Variants in ZNF385D observed in about 807,000 individuals in gnomAD.
ZNF385D encodes the protein zinc finger protein 385D, also known as zinc finger protein 659.
Under a neutral mutation model 35.8 loss-of-function variants are expected in ZNF385D, and 15 were observed. The ratio of observed to expected loss-of-function variants is 0.42; its 90% confidence interval spans 0.28 to 0.64. ZNF385D has a LOEUF of 0.64. Among genes scored for constraint, ZNF385D ranks in the 30% least tolerant of loss-of-function variants. ZNF385D has a pLI of 0.23. For synonymous variants in ZNF385D, 212 were observed against 186.8 expected, an observed-to-expected ratio of 1.13 and a Z score of -1.10; for missense variants, 474 against 494.6, an observed-to-expected ratio of 0.96 and a Z score of 0.39.
At chr3:21,794,267 T>C (rs973571058) in intron 3 of ZNF385D, among the ~76,000 whole-genome samples, 2 of 151,924 alleles carry the variant, frequency 1.3e-5, no homozygotes, top group Admixed American at 6.6e-5. Context: ...GTTTTAAACC[T>C]AAGAGCTTAA....
At chr3:22,126,139 C>G (rs1703412455) in intron 3 of ZNF385D, among the ~76,000 whole-genome samples, 1 of 151,888 alleles carries the variant, frequency 6.6e-6, no homozygotes, top group African/African-American at 2.4e-5. Flanking sequence ...TGAATTTTAT[C>G]AAATGCTTTT....
At chr3:21,826,099 T>C (rs1171670326) in intron 3 of ZNF385D, among the ~76,000 whole-genome samples, 1 of 152,094 alleles carries the variant, frequency 6.6e-6, no homozygotes, top group Non-Finnish European at 1.5e-5. Context: ...GCCAAAAACG[T>C]TGGGGACGGC....
At chr3:21,544,439 G>GT (rs1238053264) in intron 3 of ZNF385D, among the ~76,000 whole-genome samples, 2 of 151,874 alleles carry the variant, frequency 1.3e-5, no homozygotes, top group South Asian at 2.1e-4. Flanking sequence ...TGTGTTTTGT[G>GT]TTTTTTTTAG....
chr3:21,615,824 G>C (rs181707241), intron 2 of ZNF385D, among the ~76,000 whole-genome samples: 35 of 151,474 alleles, frequency 2.3e-4, no homozygotes, highest in Non-Finnish European at 4.6e-4. Context: ...GTGTTTACTG[G>C]TTAAAAAAAT....
chr3:21,605,577 A>G (rs2064454698), intron 2 of ZNF385D, among the ~76,000 whole-genome samples: 1 of 152,180 alleles, frequency 6.6e-6, no homozygotes, highest in African/African-American at 2.4e-5. Context: ...CACACTAACT[A>G]AAAGGGATCT....
chr3:21,568,464 A>T (rs1412670466), intron 2 of ZNF385D, among the ~76,000 whole-genome samples: 2 of 152,214 alleles, frequency 1.3e-5, no homozygotes, highest in Non-Finnish European at 1.5e-5. Context: ...AATGGGTCTG[A>T]TCTGTCAAAA....
intron 2 of ZNF385D, among the ~76,000 whole-genome samples, chr3:21,565,556 T>TCTTTCTTTCATGTA (rs1306546055): frequency 2.0e-5 from 3 of 151,880 alleles, no homozygotes; most frequent in Non-Finnish European, 4.4e-5. Flanking sequence ...TGATCTTAAT[T>TCTTTCTTTCATGTA]CTTTCATGTA....
chr3:21,829,020 A>T (rs956041630), intron 3 of ZNF385D, among the ~76,000 whole-genome samples: 1 of 152,090 alleles, frequency 6.6e-6, no homozygotes, highest in African/African-American at 2.4e-5. Context: ...TAATCTTTCC[A>T]TCTCATGGTC....
chr3:21,781,075 C>A (rs2071470925), intron 3 of ZNF385D, among the ~76,000 whole-genome samples: 1 of 151,970 alleles, frequency 6.6e-6, no homozygotes, highest in South Asian at 2.1e-4. Flanking sequence ...TTCCCCCAGG[C>A]TGAGATGGAG....
intron 2 of ZNF385D, among the ~76,000 whole-genome samples, chr3:22,343,586 GGC>G (rs151122422): frequency 0.29 from 44,273 of 151,864 alleles, 6,940 homozygotes; most frequent in African/African-American, 0.37. Context: ...GTTTGGCCTT[GGC>G]CATGTTCCTT....
In ZNF385D at chr3:21,421,174, T is replaced by C. The variant is rs182403544; in HGVS notation, c.*40A>G. The C allele has an allele frequency of 9.6e-5, 150 of 1,561,956 alleles. No individual in the cohort carries two copies. The East Asian group carries it at 3.2e-3, about 33-fold the overall frequency. On this transcript the variant is annotated 3_prime_UTR_variant, in exon 8 of 8. Transcript: ENST00000281523. ...CTTTTGTTTGTTTTGTTTTTTGTTT[T>C]TTGAAAAATTATTGCAGTACAATTA...
intron 3 of ZNF385D, among the ~76,000 whole-genome samples, chr3:22,141,161 T>C (rs1704482771): frequency 6.6e-6 from 1 of 152,112 alleles, no homozygotes. Flanking sequence ...CCTAAAATAA[T>C]AAGAGAACAC....
intron 2 of ZNF385D, among the ~76,000 whole-genome samples, chr3:22,312,785 C>G (rs1428165735): frequency 1.4e-5 from 2 of 146,740 alleles, no homozygotes; most frequent in South Asian, 2.3e-4. Flanking sequence ...GAAATAGGAA[C>G]ACTTTTACAC....
chr3:21,745,018 G>T (rs1205594828), intron 1 of ZNF385D, among the ~76,000 whole-genome samples: 1 of 152,070 alleles, frequency 6.6e-6, no homozygotes, highest in Non-Finnish European at 1.5e-5. Context: ...ATTCAGTCTT[G>T]CACATCCAAC....
chr3:22,295,616 G>T (rs1309427515), intron 2 of ZNF385D, among the ~76,000 whole-genome samples: 2 of 152,122 alleles, frequency 1.3e-5, no homozygotes, highest in African/African-American at 4.8e-5. Flanking sequence ...GTCTAGGGCT[G>T]AACTAGGTAA....
At chr3:21,902,674 A>G (rs1201884631) in intron 3 of ZNF385D, among the ~76,000 whole-genome samples, 1 of 152,176 alleles carries the variant, frequency 6.6e-6, no homozygotes, top group Non-Finnish European at 1.5e-5. Context: ...TATTTCTAAA[A>G]CTTTATCTTC....
At chr3:21,921,645 A>G (rs182788404) in intron 3 of ZNF385D, among the ~76,000 whole-genome samples, 1 of 151,618 alleles carries the variant, frequency 6.6e-6, no homozygotes, top group Admixed American at 6.6e-5. Context: ...AGAGACATAA[A>G]TATGTACAAA....
chr3:21,541,885 T>C (rs2125563937), intron 3 of ZNF385D, among the ~76,000 whole-genome samples: 1 of 152,284 alleles, frequency 6.6e-6, no homozygotes, highest in South Asian at 2.1e-4. Flanking sequence ...TAAAAAGAGA[T>C]ACAAAAAAAC....
At chr3:22,082,407 C>T (rs1007660299) in intron 3 of ZNF385D, among the ~76,000 whole-genome samples, 3 of 152,184 alleles carry the variant, frequency 2.0e-5, no homozygotes, top group Non-Finnish European at 4.4e-5. Context: ...ATATTCCGTG[C>T]CTGGCTCTGT....
Sources: gnomAD v4.1 joint callset for allele counts (sites outside exome capture counted in the v4.1 genomes callset) on GRCh38, gnomAD v4.1.1 for gene constraint, MANE v1.5 for transcripts, NCBI Gene and HGNC (gene_info 2026-07-23, HGNC 2026-07-21) for gene names.